Variants in CALN1 observed in about 807,000 individuals in gnomAD.
CALN1 encodes calneuron 1, also known as calcium-binding protein 8.
A neutral mutation model predicts 30.6 loss-of-function variants in CALN1; 17 were observed. That is an observed-to-expected ratio of 0.56 (90% CI 0.38 to 0.83). The LOEUF is 0.83. Ranked by LOEUF, CALN1 falls within the 40% of genes least tolerant of loss-of-function variation. CALN1 has a pLI of 0.00. For synonymous variants in CALN1, 156 were observed against 131.4 expected (o/e 1.19, Z -1.28); for missense variants, 291 against 354.9 (o/e 0.82, Z 1.45).
At chr7:71,793,775 C>G (rs1450706873) in intron 6 of CALN1, among the ~76,000 whole-genome samples, 2 of 152,142 alleles carry the variant, frequency 1.3e-5, no homozygotes, top group African/African-American at 4.8e-5. Context: ...ACTCGGGAGG[C>G]TGATGCAGGA....
intron 3 of CALN1, among the ~76,000 whole-genome samples, chr7:72,267,083 TAA>T (rs1796647026): frequency 6.6e-6 from 1 of 152,190 alleles, no homozygotes; most frequent in Admixed American, 6.5e-5. Flanking sequence ...AGCCATCAGA[TAA>T]GAGTTGTGAG....
chr7:71,970,358 T>C (rs1797734450), intron 5 of CALN1, among the ~76,000 whole-genome samples: 3 of 152,212 alleles, frequency 2.0e-5, no homozygotes, highest in Admixed American at 1.3e-4. Context: ...AGTACCCTTC[T>C]GATATGAAAC....
chr7:72,388,187 T>A (rs556526192), intron 2 of CALN1, among the ~76,000 whole-genome samples: 8 of 152,278 alleles, frequency 5.3e-5, no homozygotes, highest in African/African-American at 1.4e-4. Context: ...ATTTGATCAA[T>A]ACACAATCCA....
chr7:71,906,890 A>C (rs185572254), intron 5 of CALN1, among the ~76,000 whole-genome samples: 1 of 152,178 alleles, frequency 6.6e-6, no homozygotes, highest in Non-Finnish European at 1.5e-5. Flanking sequence ...GTTTTTGCAA[A>C]ATCAAAAACA....
chr7:72,487,736 AGG>A, the CALN1 span, among the ~76,000 whole-genome samples: 13 of 110,716 alleles, frequency 1.2e-4, no homozygotes, highest in African/African-American at 5.1e-4. Flanking sequence ...AAAGAAAGAA[AGG>A]AAGGAAGGAA....
intron 5 of CALN1, among the ~76,000 whole-genome samples, chr7:71,901,754 A>C (rs1197681824): frequency 6.6e-6 from 1 of 152,180 alleles, no homozygotes; most frequent in Non-Finnish European, 1.5e-5. Context: ...CTCACCATAT[A>C]CAAAAGTTAA....
chr7:72,072,886 A>G (rs1563032339), intron 4 of CALN1, among the ~76,000 whole-genome samples: 1 of 152,212 alleles, frequency 6.6e-6, no homozygotes, highest in African/African-American at 2.4e-5. Flanking sequence ...AACTACAAAG[A>G]AAATAGACAT....
intron 5 of CALN1, among the ~76,000 whole-genome samples, chr7:71,958,836 C>T (rs550457260): frequency 6.6e-6 from 1 of 152,306 alleles, no homozygotes; most frequent in South Asian, 2.1e-4. Flanking sequence ...TGACCCATCA[C>T]TGCTACCTTA....
intron 5 of CALN1, among the ~76,000 whole-genome samples, chr7:71,948,456 C>G (rs1006623197): frequency 1.3e-5 from 2 of 152,036 alleles, no homozygotes; most frequent in Non-Finnish European, 2.9e-5. Flanking sequence ...AGGCCGGGCA[C>G]GATTGGCTTA....
At chr7:72,046,128 C>T (rs1802455125) in intron 4 of CALN1, among the ~76,000 whole-genome samples, 1 of 151,766 alleles carries the variant, frequency 6.6e-6, no homozygotes, top group African/African-American at 2.4e-5. Flanking sequence ...GCCTGGGCAA[C>T]CCAGCAAAAC....
intron 2 of CALN1, among the ~76,000 whole-genome samples, chr7:72,364,839 A>T (rs1178709433): frequency 6.6e-6 from 1 of 152,236 alleles, no homozygotes; most frequent in African/African-American, 2.4e-5. Flanking sequence ...ATTCGAGATC[A>T]GCCTTGCCAA....
chr7:72,181,037 G>A (rs998307078), intron 3 of CALN1, among the ~76,000 whole-genome samples: 1 of 146,944 alleles, frequency 6.8e-6, no homozygotes, highest in Admixed American at 7.0e-5. Flanking sequence ...GGCGGAAGTT[G>A]CAGTGAGCCA....
chr7:72,155,046 G>C (rs570747629), intron 3 of CALN1, among the ~76,000 whole-genome samples: 1 of 151,934 alleles, frequency 6.6e-6, no homozygotes. Context: ...AACAGGGCAT[G>C]ATCATGTCTC....
chr7:71,942,252 C>T (rs891612672), intron 5 of CALN1: 4 of 197,156 alleles, frequency 2.0e-5, no homozygotes, highest in Non-Finnish European at 4.3e-5. Flanking sequence ...ACCGCCACGC[C>T]GCCGTCATGG....
At chr7:72,204,068 T>G (rs1476463000) in intron 3 of CALN1, among the ~76,000 whole-genome samples, 1 of 136,828 alleles carries the variant, frequency 7.3e-6, no homozygotes, top group Admixed American at 8.0e-5. Flanking sequence ...CTCAGCTCAC[T>G]GCAAGCTCCA....
chr7:72,403,152 GAC>G, intron 2 of CALN1, 97 bp downstream of exon 2: 2 of 812,860 alleles, frequency 2.5e-6, no homozygotes, highest in Non-Finnish European at 3.9e-6. Flanking sequence ...CTCCAGCCTA[GAC>G]ACGCAGCAGC....
chr7:72,479,150 G>A, the CALN1 span, among the ~76,000 whole-genome samples: 1 of 152,162 alleles, frequency 6.6e-6, no homozygotes, highest in Non-Finnish European at 1.5e-5. Flanking sequence ...AAAGTGCTGA[G>A]ATTACAGGCG....
chr7:71,853,580 A>T (rs1009553915), intron 5 of CALN1, among the ~76,000 whole-genome samples: 1 of 139,522 alleles, frequency 7.2e-6, no homozygotes, highest in Non-Finnish European at 1.6e-5. Context: ...TGAAATTTTA[A>T]TTTTTTTTTT....
chr7:72,050,288 T>C (rs190952983), intron 4 of CALN1, among the ~76,000 whole-genome samples: 92 of 152,286 alleles, frequency 6.0e-4, no homozygotes, highest in African/African-American at 2.1e-3. Context: ...TCTTTCAAGA[T>C]GAAAATTTCA....
Sources: gnomAD v4.1 joint callset for allele counts (sites outside exome capture counted in the v4.1 genomes callset) on GRCh38, gnomAD v4.1.1 for gene constraint, MANE v1.5 for transcripts, NCBI Gene and HGNC (gene_info 2026-07-23, HGNC 2026-07-21) for gene names.